The following LEKR1 variants were observed in gnomAD, a reference collection of about 807,000 sequenced individuals.
The protein encoded by LEKR1 is protein LEKR1.
LEKR1 carries 59 observed loss-of-function variants against 72.4 expected under a neutral mutation model. The ratio of observed to expected loss-of-function variants is 0.82; its 90% CI spans 0.66 to 1.01. The LOEUF (loss-of-function observed/expected upper bound fraction) is 1.01, where lower values mean the gene tolerates loss of function less well. Ranked by LOEUF, LEKR1 falls within the 50% of genes least tolerant of loss-of-function variation. The pLI, the probability that LEKR1 is intolerant of heterozygous loss-of-function variation, is 0.00. For missense variants in LEKR1, 728 were observed against 759.2 expected (o/e 0.96, Z 0.48); for synonymous variants, 257 against 263.2 (o/e 0.98, Z 0.23).
intron 12 of LEKR1, among the ~76,000 whole-genome samples, chr3:157,039,194 A>G (rs541027856): frequency 1.6e-4 from 25 of 152,320 alleles, no homozygotes; most frequent in Middle Eastern, 6.8e-3. Context: ...AGAGATAGAC[A>G]GGGGTTTTAC....
At chr3:157,010,542 G>T (rs1732808188) in intron 9 of LEKR1, among the ~76,000 whole-genome samples, 1 of 151,952 alleles carries the variant, frequency 6.6e-6, no homozygotes, top group Non-Finnish European at 1.5e-5. Context: ...TTGCAGAAGG[G>T]TCAGAGCTAA....
intron 3 of LEKR1, among the ~76,000 whole-genome samples, chr3:156,919,282 A>G (rs911186387): frequency 6.6e-6 from 1 of 152,164 alleles, no homozygotes; most frequent in African/African-American, 2.4e-5. Flanking sequence ...TCACATTGTC[A>G]TGGCTGGAAA....
At chr3:156,841,962 T>TGA (rs1380092796) in intron 2 of LEKR1, among the ~76,000 whole-genome samples, 1 of 152,200 alleles carries the variant, frequency 6.6e-6, no homozygotes, top group Non-Finnish European at 1.5e-5. Flanking sequence ...CTCTGCCTCC[T>TGA]GTCAGATCAG....
At chr3:156,891,468 G>C (rs1720660962) in intron 3 of LEKR1, among the ~76,000 whole-genome samples, 1 of 152,116 alleles carries the variant, frequency 6.6e-6, no homozygotes, top group Non-Finnish European at 1.5e-5. Flanking sequence ...GACTTAAAGA[G>C]TTAGTAAGGG....
At chr3:156,901,886 A>C (rs965128117) in intron 3 of LEKR1, among the ~76,000 whole-genome samples, 10 of 152,030 alleles carry the variant, frequency 6.6e-5, no homozygotes, top group African/African-American at 2.4e-4. Flanking sequence ...GGGTTTCATT[A>C]TGTTGGCCAG....
In LEKR1 at chr3:157,023,255, T is replaced by G. The variant is rs369474291; in HGVS notation, c.1204-1505T>G. On this transcript the variant is annotated intron_variant, in intron 10 of 12. Transcript: ENST00000356539. Reference sequence around the variant, plus strand: ...CTAGAGCCAGACTGTCACTGGGATTTCCTTTTCCAGTCTCTCTAGATGAAC... The same window carrying G: ...CTAGAGCCAGACTGTCACTGGGATTGCCTTTTCCAGTCTCTCTAGATGAAC... 1.6e-4 allele frequency among the ~76,000 whole-genome samples: 24 copies of G among 152,304 alleles called. No homozygotes were observed. The South Asian group carries it at 3.9e-3, about 25-fold the overall frequency.
At chr3:156,865,030 G>A (rs933509155) in intron 3 of LEKR1, among the ~76,000 whole-genome samples, 1 of 152,002 alleles carries the variant, frequency 6.6e-6, no homozygotes, top group African/African-American at 2.4e-5. Flanking sequence ...CATTTCTTGT[G>A]AGCCCCAGAC....
At chr3:156,881,646 A>G (rs1719363367) in intron 3 of LEKR1, among the ~76,000 whole-genome samples, 1 of 150,710 alleles carries the variant, frequency 6.6e-6, no homozygotes, top group Non-Finnish European at 1.5e-5. Flanking sequence ...ATTGGAAAAA[A>G]CTACTTTAAA....
At chr3:156,834,267 T>C (rs1326935443) in intron 2 of LEKR1, among the ~76,000 whole-genome samples, 1 of 152,158 alleles carries the variant, frequency 6.6e-6, no homozygotes, top group Non-Finnish European at 1.5e-5. Context: ...ATTTTAATGT[T>C]TTAATTTATA....
At chr3:156,925,791 G>A (rs1227826477) in intron 4 of LEKR1, among the ~76,000 whole-genome samples, 2 of 151,980 alleles carry the variant, frequency 1.3e-5, no homozygotes, top group Admixed American at 1.3e-4. Context: ...TCTGTTGTCA[G>A]TATACCATTG....
chr3:156,852,303 A>G (rs984134564), intron 2 of LEKR1: 1 of 152,334 alleles, frequency 6.6e-6, no homozygotes, highest in Admixed American at 6.5e-5. Flanking sequence ...TAAAATGCTG[A>G]AACTGAACAG....
At chr3:156,986,351 A>G (rs1393258774) in intron 7 of LEKR1, among the ~76,000 whole-genome samples, 1 of 152,156 alleles carries the variant, frequency 6.6e-6, no homozygotes, top group Non-Finnish European at 1.5e-5. Flanking sequence ...TTGCTCCTTC[A>G]AGAATGGACT....
intron 2 of LEKR1, among the ~76,000 whole-genome samples, chr3:156,838,852 C>T (rs921917101): frequency 1.1e-4 from 16 of 152,208 alleles, no homozygotes; most frequent in South Asian, 2.1e-4. Context: ...TATAATAGCC[C>T]GATGGGTTCT....
chr3:156,911,107 T>C (rs1723065729), intron 3 of LEKR1, among the ~76,000 whole-genome samples: 1 of 152,220 alleles, frequency 6.6e-6, no homozygotes, highest in Admixed American at 6.5e-5. Context: ...CATTTTTTCA[T>C]ATGTTTGTTG....
intron 10 of LEKR1, among the ~76,000 whole-genome samples, chr3:157,011,936 G>C (rs1229366841): frequency 6.6e-6 from 1 of 151,824 alleles, no homozygotes; most frequent in African/African-American, 2.4e-5. Flanking sequence ...TATATACCCT[G>C]ACAAAGTAAA....
intron 5 of LEKR1, among the ~76,000 whole-genome samples, chr3:156,940,018 A>C (rs1726059829): frequency 6.6e-6 from 1 of 152,186 alleles, no homozygotes; most frequent in Non-Finnish European, 1.5e-5. Flanking sequence ...ACATTTAAAA[A>C]TGTGGAGCTC....
chr3:156,882,257 C>A (rs994164645), intron 3 of LEKR1, among the ~76,000 whole-genome samples: 1 of 152,062 alleles, frequency 6.6e-6, no homozygotes, highest in East Asian at 1.9e-4. Context: ...ACTCATCTGA[C>A]GAAGGGCTAA....
chr3:156,900,961 C>T (rs909032381), intron 3 of LEKR1, among the ~76,000 whole-genome samples: 2 of 151,872 alleles, frequency 1.3e-5, no homozygotes, highest in African/African-American at 4.8e-5. Context: ...TAATTCACAC[C>T]TTTTTTTGGT....
At chr3:156,897,684 G>A (rs1259223630) in intron 3 of LEKR1, among the ~76,000 whole-genome samples, 2 of 152,212 alleles carry the variant, frequency 1.3e-5, no homozygotes, top group Admixed American at 1.3e-4. Context: ...CTGGTGTGGT[G>A]GCTCACGCCT....
Sources: allele counts gnomAD v4.1 joint callset (sites outside exome capture counted in the v4.1 genomes callset), GRCh38; gene constraint gnomAD v4.1.1; transcripts MANE v1.5; gene names NCBI Gene and HGNC (gene_info 2026-07-23, HGNC 2026-07-21).